The following JAZF1 variants were observed in gnomAD, a reference collection of about 807,000 sequenced individuals.
JAZF1 encodes the protein juxtaposed with another zinc finger protein 1.
JAZF1 carries 8 observed loss-of-function variants against 26.4 expected under a neutral mutation model. That is an observed-to-expected ratio of 0.30 (90% CI 0.18 to 0.55). The LOEUF (loss-of-function observed/expected upper bound fraction) is 0.55. Among genes scored for constraint, JAZF1 ranks in the 20% least tolerant of loss-of-function variants. The pLI, the probability that JAZF1 is intolerant of heterozygous loss-of-function variation, is 0.94. For missense variants in JAZF1, 199 were observed against 322.0 expected (o/e 0.62, Z 2.92); for synonymous variants, 126 against 122.3 (o/e 1.03, Z -0.20).
intron 1 of JAZF1, among the ~76,000 whole-genome samples, chr7:28,043,096 T>A (rs1225519209): frequency 6.6e-6 from 1 of 151,964 alleles, no homozygotes; most frequent in Non-Finnish European, 1.5e-5. Context: ...CACTAGGGAG[T>A]ATATGGGAAT....
chr7:28,096,916 A>G (rs1444279257), intron 1 of JAZF1, among the ~76,000 whole-genome samples: 1 of 152,180 alleles, frequency 6.6e-6, no homozygotes, highest in Non-Finnish European at 1.5e-5. Flanking sequence ...ATTCAAGCCT[A>G]ATTACTAAGA....
In JAZF1 at chr7:27,840,129, G is replaced by A. The variant is rs189004933; in HGVS notation, c.555+569C>T. Among the ~76,000 whole-genome samples the A allele has an allele frequency of 6.6e-6, 1 of 152,342 alleles. No individual in the cohort carries two copies. Among genetic ancestry groups the A allele is most frequent in the African/African-American group, 2.4e-5 (1 of 41,588 alleles). Reference sequence around the variant, plus strand: ...CTGGGTCAGCAGACAGGCAGCTGAAGCTGAAGTGGATGGTTTGGTGAGAAA... The same window carrying A: ...CTGGGTCAGCAGACAGGCAGCTGAAACTGAAGTGGATGGTTTGGTGAGAAA... On this transcript the variant is annotated intron_variant, in intron 4 of 4. Transcript: ENST00000283928. This position sits in a 1 kb window ranked among gnomAD's most constrained non-coding sequence, Gnocchi z 5.1.
chr7:28,095,714 G>A (rs375815290), intron 1 of JAZF1, among the ~76,000 whole-genome samples: 6 of 152,234 alleles, frequency 3.9e-5, no homozygotes, highest in African/African-American at 9.6e-5. Context: ...GGTCCCCTCC[G>A]CTGAACGTCA....
At chr7:28,107,539 T>C (rs376994472) in intron 1 of JAZF1, among the ~76,000 whole-genome samples, 41 of 152,300 alleles carry the variant, frequency 2.7e-4, no homozygotes, top group African/African-American at 9.4e-4. Flanking sequence ...AGTGTCTCCA[T>C]GGGCTTCAAC....
chr7:28,138,904 A>G (rs747389091), intron 1 of JAZF1, among the ~76,000 whole-genome samples: 7 of 152,232 alleles, frequency 4.6e-5, no homozygotes, highest in Non-Finnish European at 8.8e-5. Flanking sequence ...TGGAGGCTCA[A>G]ATGAGATAAC....
At chr7:28,035,177 C>T (rs761377286) in intron 1 of JAZF1, among the ~76,000 whole-genome samples, 13 of 151,050 alleles carry the variant, frequency 8.6e-5, no homozygotes, top group Non-Finnish European at 1.8e-4. Context: ...ATTAGCCTGC[C>T]GTGGTGGTGG....
At chr7:27,873,234 T>A (rs185048548) in intron 3 of JAZF1, among the ~76,000 whole-genome samples, 2 of 152,318 alleles carry the variant, frequency 1.3e-5, no homozygotes, top group East Asian at 3.9e-4. Context: ...TCCTAACTGA[T>A]ATGCCAGGAT....
chr7:27,883,883 C>A (rs1309881319), intron 3 of JAZF1, among the ~76,000 whole-genome samples: 4 of 152,188 alleles, frequency 2.6e-5, no homozygotes, highest in African/African-American at 9.7e-5. Context: ...GTTACTGCTT[C>A]CTTAGTGTTG....
intron 4 of JAZF1, among the ~76,000 whole-genome samples, chr7:27,836,475 A>G (rs752180692): frequency 7.9e-5 from 12 of 152,170 alleles, no homozygotes; most frequent in Non-Finnish European, 1.6e-4. Flanking sequence ...CCTTACCTGT[A>G]TGGGATCTTT....
intron 1 of JAZF1, among the ~76,000 whole-genome samples, chr7:28,096,070 G>A (rs191063996): frequency 6.6e-6 from 1 of 152,148 alleles, no homozygotes; most frequent in Non-Finnish European, 1.5e-5. Flanking sequence ...TGAAATTTGG[G>A]GGGGGCACAA....
intron 2 of JAZF1, among the ~76,000 whole-genome samples, chr7:27,904,190 C>T (rs193): frequency 0.37 from 56,052 of 152,046 alleles, 10,546 homozygotes; most frequent in East Asian, 0.49. Flanking sequence ...CTGTAGGAAA[C>T]GGTGATGGAA....
At chr7:27,855,831 G>A (rs1459475320) in intron 3 of JAZF1, among the ~76,000 whole-genome samples, 2 of 152,086 alleles carry the variant, frequency 1.3e-5, no homozygotes, top group African/African-American at 4.8e-5. Context: ...CCAAACAATA[G>A]AAAAAGAGGG....
At chr7:27,968,503 A>G (rs1166214414) in intron 2 of JAZF1, among the ~76,000 whole-genome samples, 1 of 152,252 alleles carries the variant, frequency 6.6e-6, no homozygotes. Flanking sequence ...ATTTAAATTA[A>G]TAACTTTGAC....
intron 2 of JAZF1, among the ~76,000 whole-genome samples, chr7:27,987,252 C>T (rs1382703032): frequency 3.3e-5 from 5 of 151,474 alleles, no homozygotes; most frequent in Non-Finnish European, 5.9e-5. Context: ...ATGTGGGGAG[C>T]GCCTCTGCCC....
intron 1 of JAZF1, among the ~76,000 whole-genome samples, chr7:28,102,750 A>G (rs1363569045): frequency 1.3e-5 from 2 of 152,222 alleles, no homozygotes; most frequent in Admixed American, 1.3e-4. Context: ...TAGTGAGCAT[A>G]CACTCCATAG....
intron 1 of JAZF1, among the ~76,000 whole-genome samples, chr7:28,179,976 G>A (rs1233414912): frequency 1.4e-5 from 2 of 144,276 alleles, no homozygotes; most frequent in African/African-American, 5.0e-5. Flanking sequence ...CTCGAGCCGG[G>A]GCGGAAGCGC....
rs548940332 is a variant in JAZF1 at position 28,175,939 on chromosome 7, A to T, written c.115+4524T>A. ...GATGCTCCTTTGAGAAGATAATGCA[A>T]ATATTTACTAAATCATCTTAGGAGC... On this transcript the variant is annotated intron_variant, in intron 1 of 4. Coordinates refer to ENST00000283928, the MANE Select transcript of JAZF1 (RefSeq NM_175061.4). Among the ~76,000 whole-genome samples the T allele has an allele frequency of 1.4e-3, 220 of 152,352 alleles. 1 individual carries two copies. The highest frequency in any genetic ancestry group is 5.1e-3 in the African/African-American group (212 of 41,588).
intron 1 of JAZF1, among the ~76,000 whole-genome samples, chr7:28,115,649 G>A (rs969746160): frequency 6.6e-6 from 1 of 152,082 alleles, no homozygotes; most frequent in African/African-American, 2.4e-5. Context: ...GTTTTGAATA[G>A]GTAATACTTT....
In JAZF1 at chr7:28,054,963, T is replaced by C. The variant is rs981642677; in HGVS notation, c.116-62982A>G. On this transcript the variant is annotated intron_variant, in intron 1 of 4. Transcript: ENST00000283928. The stretch of plus-strand genomic sequence containing the variant: ...AGGTAAAAGTTCTCAATATAGGTGC[T>C]GGCAATGTGCTCTATCTCGATCTGG... Among the ~76,000 whole-genome samples the C allele has an allele frequency of 3.9e-5, 6 of 152,110 alleles. No homozygotes were observed. The East Asian group carries it at 5.8e-4, about 15-fold the overall frequency.
Sources: allele counts gnomAD v4.1 joint callset (sites outside exome capture counted in the v4.1 genomes callset), GRCh38; gene constraint gnomAD v4.1.1; non-coding constraint Gnocchi (gnomAD v3.1); transcripts MANE v1.5; gene names NCBI Gene and HGNC (gene_info 2026-07-23, HGNC 2026-07-21).